Variants in P3H4 observed in about 807,000 individuals in gnomAD.
P3H4 encodes the protein endoplasmic reticulum protein SC65.
P3H4 carries 47 observed loss-of-function variants against 52.9 expected under a neutral mutation model. The ratio of observed to expected loss-of-function variants is 0.89; its 90% CI spans 0.70 to 1.13. The LOEUF (loss-of-function observed/expected upper bound fraction) is 1.13. P3H4 is among the 50% of genes most tolerant of loss of function. P3H4 has a pLI of 0.00. For missense variants in P3H4, 585 were observed against 611.0 expected, an observed-to-expected ratio of 0.96 and a Z score of 0.45; for synonymous variants, 256 against 267.9, an observed-to-expected ratio of 0.96 and a Z score of 0.44.
intron 5 of P3H4, 159 bp from the exon 6 acceptor site, chr17:41,807,038 TG>T: frequency 1.6e-6 from 1 of 611,552 alleles, no homozygotes; most frequent in South Asian, 2.0e-5. Context: ...CGTGGCTGCT[TG>T]GAACACTGGG....
rs532282174 is a variant in P3H4 at position 41,802,962 on chromosome 17, C to T, written c.1309G>A (p.Ala437Thr). 33 of 1,611,162 alleles carry T rather than the reference C, an allele frequency of 2.0e-5. No individual in the cohort carries two copies. Among genetic ancestry groups the T allele is most frequent in the Non-Finnish European group, 2.7e-5 (32 of 1,179,118 alleles). The change falls in exon 8 of 8, where the codon GCA (alanine) becomes ACA (threonine). Residue 437 changes from alanine to threonine, a missense_variant. Coordinates refer to ENST00000393928, the MANE Select transcript of P3H4 (RefSeq NM_006455.3). ...EAEAEPEPEL[A>T] is the part of the protein sequence containing the mutation. Reference sequence around the variant, plus strand: ...CGGTGTGGGGTGTCCCCTTCTCATGCGAGTTCAGGCTCTGGCTCTGAAAAG... The same window carrying T: ...CGGTGTGGGGTGTCCCCTTCTCATGTGAGTTCAGGCTCTGGCTCTGAAAAG...
In P3H4 at chr17:41,809,749, G is replaced by C; in HGVS notation, c.873C>G (p.Phe291Leu). Residue 291 changes from phenylalanine (F) to leucine (L), a missense_variant, in exon 4 of 8, where the codon TTC becomes TTG. By Grantham distance (22) the Phe-to-Leu change is conservative. Transcript: ENST00000393928. ...PNVGGYFVDK[F>L]VATMYHYLQF... The stretch of plus-strand genomic sequence containing the variant: ...GCAGGTAGTGGTACATGGTGGCCAC[G>C]AACTTGTCCACGAAGTAGCCACCCA... The C allele has an allele frequency of 6.2e-7, 1 of 1,613,764 alleles. No homozygotes were observed. Among genetic ancestry groups the C allele is most frequent in the Non-Finnish European group, 8.5e-7 (1 of 1,179,968 alleles).
chr17:41,808,128 TC>T, intron 4 of P3H4, 124 bp from the exon 5 acceptor site: 1 of 1,253,718 alleles, frequency 8.0e-7, no homozygotes, highest in Non-Finnish European at 1.1e-6. Flanking sequence ...GGGCTCCTTA[TC>T]CCACCCAAGC....
chr17:41,804,352 G>A (rs948571954), intron 6 of P3H4, among the ~76,000 whole-genome samples: 3 of 152,022 alleles, frequency 2.0e-5, no homozygotes, highest in Admixed American at 2.0e-4. Flanking sequence ...TACGCCAGGC[G>A]TGGTGGCTCA....
chr17:41,808,862 A>G (rs2047700891), intron 4 of P3H4, among the ~76,000 whole-genome samples: 1 of 152,120 alleles, frequency 6.6e-6, no homozygotes, highest in Admixed American at 6.5e-5. Context: ...CTGGGTTCTC[A>G]GCCCCTCTGC....
intron 6 of P3H4, among the ~76,000 whole-genome samples, chr17:41,806,235 T>C (rs1429127915): frequency 6.6e-6 from 1 of 151,584 alleles, no homozygotes; most frequent in Non-Finnish European, 1.5e-5. Context: ...AAAAAATAAA[T>C]AAATAAATAA....
intron 3 of P3H4, 67 bp from the exon 4 acceptor site, chr17:41,809,901 A>T: frequency 6.4e-7 from 1 of 1,567,076 alleles, no homozygotes; most frequent in Non-Finnish European, 8.7e-7. Flanking sequence ...CCAGTGGAGA[A>T]GACTCTAAAT....
chr17:41,805,282 C>G (rs1393876924), intron 6 of P3H4, among the ~76,000 whole-genome samples: 1 of 148,460 alleles, frequency 6.7e-6, no homozygotes, highest in Non-Finnish European at 1.5e-5. Flanking sequence ...GAGCGAGACT[C>G]TGTCTCAAAA....
In P3H4 at chr17:41,811,581, C is replaced by A. The variant is rs782262900; in HGVS notation, c.335G>T (p.Arg112Leu). The A allele has an allele frequency of 7.5e-6, 12 of 1,592,188 alleles. No homozygotes were observed. Among genetic ancestry groups the A allele is most frequent in the African/African-American group, 1.3e-5 (1 of 74,110 alleles). The part of the protein sequence containing the change: ...ELRLFGRVLE[R>L]AACLRRCKRT... ...CTTGCAGCGCCGCAGGCAGGCGGCT[C>A]GCTCCAGGACGCGGCCGAAGAGCCG... Residue 112 changes from arginine to leucine, a missense_variant, in exon 1 of 8, where the codon CGA becomes CTA. Transcript: ENST00000393928. This position sits in a 1 kb window ranked among gnomAD's most constrained non-coding sequence, Gnocchi z 4.8.
At chr17:41,809,921 G>A (rs2047711824) in intron 3 of P3H4, 87 bp from the exon 4 acceptor site, 1 of 1,461,116 alleles carries the variant, frequency 6.8e-7, no homozygotes, top group South Asian at 1.3e-5. Flanking sequence ...TCCAATCTCT[G>A]CCTACTAAGC....
intron 3 of P3H4, among the ~76,000 whole-genome samples, chr17:41,810,100 A>C (rs1555614750): frequency 6.6e-6 from 1 of 151,482 alleles, no homozygotes; most frequent in African/African-American, 2.4e-5. Flanking sequence ...GAGCCAGGGC[A>C]TTCTGGGAGA....
At chr17:41,803,021 C>T in intron 7 of P3H4, 42 bp from the exon 8 acceptor site, 1 of 1,604,628 alleles carries the variant, frequency 6.2e-7, no homozygotes, top group South Asian at 1.1e-5. Context: ...CTCCCCCACC[C>T]ACTCCCAATG....
Position 41,803,569 on chromosome 17 carries a change from T to C in P3H4, c.1147-138A>G, listed in dbSNP as rs1296623723. ...CCTCCCCCTCCCCAGTCTCAAGATC[T>C]AATGAGACAGTCCTGAGGATTTTTC... On this transcript the variant is annotated intron_variant, in intron 6 of 7. Coordinates refer to ENST00000393928, the MANE Select transcript of P3H4 (RefSeq NM_006455.3). 5 of 748,488 alleles carry C rather than the reference T, an allele frequency of 6.7e-6. No individual in the cohort carries two copies. The East Asian group carries it at 1.4e-4, about 21-fold the overall frequency. The allele number at this position is 748,488 out of a possible 1,614,324, so 46.4% of individuals were successfully genotyped here. A position where few individuals can be genotyped will look rare whatever the true frequency, so the allele number is the denominator to read the frequency against.
At chr17:41,804,748 C>T (rs1209140044) in intron 6 of P3H4, among the ~76,000 whole-genome samples, 2 of 149,946 alleles carry the variant, frequency 1.3e-5, no homozygotes, top group Non-Finnish European at 3.0e-5. Context: ...GGCAAGCGGA[C>T]CACTTGAGGT....
At chr17:41,809,415 A>G (rs2047706048) in intron 4 of P3H4, among the ~76,000 whole-genome samples, 1 of 152,166 alleles carries the variant, frequency 6.6e-6, no homozygotes, top group Non-Finnish European at 1.5e-5. Flanking sequence ...CTCCGTTTCA[A>G]AAATAAAAAT....
At chr17:41,808,456 C>T (rs112209112) in intron 4 of P3H4, among the ~76,000 whole-genome samples, 7 of 151,296 alleles carry the variant, frequency 4.6e-5, no homozygotes, top group African/African-American at 1.5e-4. Flanking sequence ...GGTGTGATCT[C>T]GGCTCACTAC....
chr17:41,808,397 G>A (rs187160465), intron 4 of P3H4, among the ~76,000 whole-genome samples: 1 of 152,074 alleles, frequency 6.6e-6, no homozygotes, highest in Admixed American at 6.6e-5. Context: ...GTATGTTTTT[G>A]TTTGTTTTGA....
At chr17:41,810,829 G>T in intron 3 of P3H4, 34 bp downstream of exon 3, 1 of 1,589,740 alleles carries the variant, frequency 6.3e-7, no homozygotes. Context: ...CTGTGGGTGA[G>T]AGGACCGCCC....
At chr17:41,806,915 A>G (rs1555614279) in intron 5 of P3H4, 36 bp from the exon 6 acceptor site, 3 of 1,546,774 alleles carry the variant, frequency 1.9e-6, no homozygotes, top group South Asian at 2.3e-5. Flanking sequence ...GGGGTGAGCC[A>G]TACCCTGTTG....
Sources: gnomAD v4.1 joint callset for allele counts (sites outside exome capture counted in the v4.1 genomes callset) on GRCh38, gnomAD v4.1.1 for gene constraint, Gnocchi (gnomAD v3.1) non-coding constraint, MANE v1.5 for transcripts, NCBI Gene and HGNC (gene_info 2026-07-23, HGNC 2026-07-21) for gene names.